Variants in NYAP2 observed in about 807,000 individuals in gnomAD.
The protein encoded by NYAP2 is neuronal tyrosine-phosphorylated phosphoinositide-3-kinase adapter 2.
Under a neutral mutation model 50.4 loss-of-function variants are expected in NYAP2, and 23 were observed. The ratio of observed to expected loss-of-function variants is 0.46; its 90% CI spans 0.33 to 0.65. NYAP2 has a LOEUF of 0.65. Among genes scored for constraint, NYAP2 ranks in the 30% least tolerant of loss-of-function variants. The probability of loss-of-function intolerance (pLI) is 0.02; values close to 1 mark genes in which losing one functional copy is unlikely to be tolerated. For missense variants in NYAP2, 885 were observed against 861.0 expected, an observed-to-expected ratio of 1.03 and a Z score of -0.35; for synonymous variants, 394 against 365.2, an observed-to-expected ratio of 1.08 and a Z score of -0.90.
chr2:225,448,201 T>C (rs1214615479), intron 3 of NYAP2, among the ~76,000 whole-genome samples: 1 of 151,970 alleles, frequency 6.6e-6, no homozygotes, highest in Non-Finnish European at 1.5e-5. Context: ...AGTGGAGGAG[T>C]TGGAATCTTT....
intron 5 of NYAP2, among the ~76,000 whole-genome samples, chr2:225,622,295 G>A (rs930997178): frequency 1.3e-5 from 2 of 152,194 alleles, no homozygotes; most frequent in Non-Finnish European, 1.5e-5. Flanking sequence ...GCCTCCCAAA[G>A]TGCTGGGATC....
intron 3 of NYAP2, among the ~76,000 whole-genome samples, chr2:225,440,716 T>C (rs564160631): frequency 6.6e-6 from 1 of 152,298 alleles, no homozygotes; most frequent in Non-Finnish European, 1.5e-5. Flanking sequence ...AAAAATAGGC[T>C]ATTGCTGTGT....
downstream of NYAP2, among the ~76,000 whole-genome samples, chr2:225,656,779 C>G (rs1480346733): frequency 6.9e-6 from 1 of 145,644 alleles, no homozygotes; most frequent in Non-Finnish European, 1.5e-5. Context: ...GGACTGTGCT[C>G]AGTTCAGAGG....
In NYAP2 at chr2:225,559,540, A is replaced by G. The variant is rs147412731; in HGVS notation, c.524-22401A>G. ...AGTGATCCAGTAACCTCATTCCTTT[A>G]CTTCTTTTCAGAAACTCCTCATGAA... On this transcript the variant is annotated intron_variant, in intron 4 of 6. Transcript: ENST00000636099. Among the ~76,000 whole-genome samples the G allele has an allele frequency of 1.5e-3, 226 of 152,138 alleles. 2 individuals are homozygous for G. Among genetic ancestry groups the G allele is most frequent in the Non-Finnish European group, 1.8e-3 (121 of 67,972 alleles).
chr2:225,405,624 AT>A (rs1454197282), intron 2 of NYAP2, among the ~76,000 whole-genome samples: 3 of 152,012 alleles, frequency 2.0e-5, no homozygotes, highest in Non-Finnish European at 4.4e-5. Context: ...GACAATGAAC[AT>A]AAGGTTCTCT....
chr2:225,694,908 T>G, the NYAP2 span, among the ~76,000 whole-genome samples: 5 of 151,744 alleles, frequency 3.3e-5, no homozygotes, highest in East Asian at 9.7e-4. Flanking sequence ...ACTACACATG[T>G]CTCCAAAACA....
chr2:225,691,342 A>G, the NYAP2 span, among the ~76,000 whole-genome samples: 3 of 152,142 alleles, frequency 2.0e-5, no homozygotes, highest in Admixed American at 1.3e-4. Flanking sequence ...TGATTTATGT[A>G]CACCACCATT....
intron 3 of NYAP2, among the ~76,000 whole-genome samples, chr2:225,499,363 G>A (rs1252232011): frequency 2.0e-5 from 3 of 151,214 alleles, no homozygotes; most frequent in Non-Finnish European, 4.4e-5. Context: ...CACCCAGGCT[G>A]GAGTACAGTG....
chr2:225,515,792 A>T (rs186851535), intron 4 of NYAP2, among the ~76,000 whole-genome samples: 2 of 152,246 alleles, frequency 1.3e-5, no homozygotes, highest in East Asian at 3.9e-4. Flanking sequence ...CTACCTAATA[A>T]ATTATGTTAG....
intron 4 of NYAP2, among the ~76,000 whole-genome samples, chr2:225,536,366 A>G (rs73994755): frequency 0.016 from 2,460 of 152,306 alleles, 61 homozygotes; most frequent in African/African-American, 0.056. Flanking sequence ...CATTACCTGC[A>G]TGAAATGGTG....
chr2:225,692,928 T>G, the NYAP2 span, among the ~76,000 whole-genome samples: 1 of 152,006 alleles, frequency 6.6e-6, no homozygotes, highest in African/African-American at 2.4e-5. Context: ...TACATATATA[T>G]TTCTAATTTT....
intron 4 of NYAP2, among the ~76,000 whole-genome samples, chr2:225,527,113 T>C (rs1691166102): frequency 6.6e-6 from 1 of 152,186 alleles, no homozygotes; most frequent in Admixed American, 6.5e-5. Flanking sequence ...ACCCTGCCTT[T>C]TTACTGGTCT....
the NYAP2 span, among the ~76,000 whole-genome samples, chr2:225,686,159 A>C: frequency 2.0e-5 from 3 of 152,158 alleles, no homozygotes; most frequent in Admixed American, 1.3e-4. Flanking sequence ...TCAGCAGAGA[A>C]CATGTGCTAA....
chr2:225,466,096 G>A (rs536336166), intron 3 of NYAP2, among the ~76,000 whole-genome samples: 3 of 152,304 alleles, frequency 2.0e-5, no homozygotes, highest in African/African-American at 7.2e-5. Context: ...TGCAACTCCT[G>A]GAGAAGCCCG....
the NYAP2 span, among the ~76,000 whole-genome samples, chr2:225,673,372 A>G: frequency 5.3e-4 from 80 of 152,270 alleles, 1 homozygote; most frequent in African/African-American, 1.9e-3. Context: ...TGAAAATGTG[A>G]TACAGAGACA....
At chr2:225,693,849 T>TA in the NYAP2 span, among the ~76,000 whole-genome samples, 11 of 152,056 alleles carry the variant, frequency 7.2e-5, no homozygotes, top group Non-Finnish European at 1.3e-4. Context: ...AATGTATAGT[T>TA]ACTTTCCTCC....
At chr2:225,603,265 G>C (rs1276996474) in intron 5 of NYAP2, among the ~76,000 whole-genome samples, 1 of 152,066 alleles carries the variant, frequency 6.6e-6, no homozygotes, top group African/African-American at 2.4e-5. Context: ...AGAACACCTA[G>C]TCTGTGCCAG....
intron 4 of NYAP2, among the ~76,000 whole-genome samples, chr2:225,556,932 G>A (rs1574676557): frequency 2.0e-5 from 3 of 152,026 alleles, no homozygotes; most frequent in South Asian, 2.1e-4. Context: ...GCTCAACCTC[G>A]GACCATTGGT....
At chr2:225,683,816 A>C in the NYAP2 span, among the ~76,000 whole-genome samples, 1 of 152,180 alleles carries the variant, frequency 6.6e-6, no homozygotes, top group Non-Finnish European at 1.5e-5. Flanking sequence ...GTAGGTCACG[A>C]ACTGGAAGTA....
Sources: gnomAD v4.1 joint callset for allele counts (sites outside exome capture counted in the v4.1 genomes callset) on GRCh38, gnomAD v4.1.1 for gene constraint, MANE v1.5 for transcripts, NCBI Gene and HGNC (gene_info 2026-07-23, HGNC 2026-07-21) for gene names.